Variants in FSIP2 observed in about 807,000 individuals in gnomAD.
FSIP2 encodes fibrous sheath interacting protein 2.
A neutral mutation model predicts 510.5 loss-of-function variants in FSIP2; 367 were observed. The observed-to-expected ratio is 0.72, with a 90% CI of 0.66 to 0.78. The LOEUF is 0.78. Ranked by LOEUF, FSIP2 falls within the 30% of genes least tolerant of loss-of-function variation. FSIP2 has a pLI of 0.00. For synonymous variants in FSIP2, 2,601 were observed against 2,732.2 expected (o/e 0.95, Z 1.50); for missense variants, 7,594 against 7,901.7 (o/e 0.96, Z 1.48).
Position 185,803,192 on chromosome 2 carries a change from G to A in FSIP2, c.13886G>A (p.Gly4629Glu). Residue 4629 changes from glycine to glutamate, a missense_variant, in exon 17 of 23, where the codon GGG (glycine) becomes GAG (glutamate). Gly to Glu is a moderately conservative substitution (Grantham distance 98). Transcript: ENST00000424728. ...SSTFLEDVIS[G>E]VLRKIFHRVV... ...ACATTCTTGGAAGATGTAATCTCTG[G>A]GGTTTTAAGAAAAATATTCCACAGG... The A allele has an allele frequency of 6.5e-7, 1 of 1,532,326 alleles. No homozygotes were observed. The highest frequency in any genetic ancestry group is 8.7e-7 in the Non-Finnish European group (1 of 1,144,752). The allele number at this position is 1,532,326 out of a possible 1,614,324, so 94.9% of individuals were successfully genotyped here. A position where few individuals can be genotyped will look rare whatever the true frequency, so the allele number is the denominator to read the frequency against.
chr2:185,800,884 C>A lies in FSIP2; in HGVS notation c.11578C>A (p.Gln3860Lys). The A allele has an allele frequency of 6.5e-7, 1 of 1,533,974 alleles. No homozygotes were observed. The highest frequency in any genetic ancestry group is 1.4e-5 in the African/African-American group (1 of 72,988). Reference sequence around the variant, plus strand: ...GATGGACAAATTATCTCACAGCATACAACAAGCTCCGGAAAGTCTACCTTT... The same window carrying A: ...GATGGACAAATTATCTCACAGCATAAAACAAGCTCCGGAAAGTCTACCTTT... Reference protein sequence around the residue: ...SLMDKLSHSIQQAPESLPFAN... With the variant: ...SLMDKLSHSIKQAPESLPFAN... The change falls in exon 17 of 23, where the codon CAA becomes AAA. Residue 3860 changes from glutamine to lysine, a missense_variant. By Grantham distance (53) the Gln-to-Lys change is moderately conservative. Coordinates refer to ENST00000424728, the MANE Select transcript of FSIP2 (RefSeq NM_173651.4).
rs2105635517 is a variant in FSIP2, at chr2:185,799,833, T to C, written c.10527T>C (p.His3509=). ...CEHLTESVLY[H]LTSSISDGTK... is the part of the protein sequence containing the mutation. The stretch of plus-strand genomic sequence containing the variant: ...ATCTCACTGAGTCAGTACTTTACCA[T>C]TTAACTTCGAGCATTTCTGATGGCA... Residue 3509 remains histidine, a synonymous_variant, in exon 17 of 23, where the codon CAT becomes CAC. Transcript: ENST00000424728. The C allele has an allele frequency of 1.3e-6, 2 of 1,532,678 alleles. No individual in the cohort carries two copies. The highest frequency in any genetic ancestry group is 1.7e-6 in the Non-Finnish European group (2 of 1,144,592). The allele number at this position is 1,532,678 out of a possible 1,614,324, so 94.9% of individuals were successfully genotyped here.
chr2:185,807,223 T>G lies in FSIP2; in HGVS notation c.17917T>G (p.Ser5973Ala). 1 of 1,605,084 alleles carries G rather than the reference T, an allele frequency of 6.2e-7. No homozygotes were observed. The highest frequency in any genetic ancestry group is 8.5e-7 in the Non-Finnish European group (1 of 1,177,310). ...GATATTTTGTGATGAGGTTTCAGTT[T>G]CAGCATGTTTGCCTCTGGAATCTAA... is the stretch of plus-strand genomic sequence containing the variant. ...NLIFCDEVSV[S>A]ACLPLESKDV... The change falls in exon 17 of 23, where the codon TCA becomes GCA. Residue 5973 changes from serine (S) to alanine (A), a missense_variant. Coordinates refer to ENST00000424728, the MANE Select transcript of FSIP2 (RefSeq NM_173651.4).
rs1403601830 is a variant in FSIP2 at position 185,792,818 on chromosome 2, G to A, written c.5682G>A (p.Leu1894=). 5 of 1,534,428 alleles carry A rather than the reference G, an allele frequency of 3.3e-6. No individual in the cohort carries two copies. The highest frequency in any genetic ancestry group is 3.5e-6 in the Non-Finnish European group (4 of 1,145,758). Residue 1894 remains leucine, a synonymous_variant, in exon 16 of 23, where the codon TTG becomes TTA. Coordinates refer to ENST00000424728, the MANE Select transcript of FSIP2 (RefSeq NM_173651.4). ...AAGGAAAGTCCTCTGTCACGGCTTT[G>A]GATGAAAATCCATGTACTTTTCAGT... ...TYKGKSSVTA[L]DENPCTFQSR... is the part of the protein sequence containing the mutation.
intron 13 of FSIP2, among the ~76,000 whole-genome samples, chr2:185,769,692 C>T (rs1036591714): frequency 2.6e-5 from 4 of 152,130 alleles, no homozygotes; most frequent in Non-Finnish European, 4.4e-5. Context: ...ATGAAACCTT[C>T]GTCAGTTCCT....
At position 185,796,816 on chromosome 2, in the gene FSIP2, C is replaced by T. The variant is rs1483992456; in HGVS notation, c.9680C>T (p.Pro3227Leu). The T allele has an allele frequency of 3.3e-6, 5 of 1,535,030 alleles. No individual in the cohort carries two copies. Among genetic ancestry groups the T allele is most frequent in the Non-Finnish European group, 2.6e-6 (3 of 1,146,300 alleles). The change falls in exon 16 of 23, where the codon CCT becomes CTT. Residue 3227 changes from proline to leucine, a missense_variant. Transcript: ENST00000424728. The part of the protein sequence containing the change: ...TVKNSEPTKR[P>L]DSETMPSCST... ...AAAAACTCAGAGCCAACGAAAAGGC[C>T]TGATTCAGAAACTATGCCATCGTGT... is the stretch of plus-strand genomic sequence containing the variant.
intron 7 of FSIP2, among the ~76,000 whole-genome samples, chr2:185,751,243 G>A (rs1280144972): frequency 6.6e-6 from 1 of 151,290 alleles, no homozygotes; most frequent in Non-Finnish European, 1.5e-5. Flanking sequence ...TTTATTTGAA[G>A]CTCAGTATTA....
At chr2:185,809,941 A>T (rs1693691000) in intron 17 of FSIP2, among the ~76,000 whole-genome samples, 1 of 152,102 alleles carries the variant, frequency 6.6e-6, no homozygotes, top group Non-Finnish European at 1.5e-5. Flanking sequence ...GCCAACAGAT[A>T]GGTTGCACTG....
intron 2 of FSIP2, chr2:185,740,390 C>T (rs1251435139): frequency 6.6e-6 from 1 of 152,162 alleles, no homozygotes; most frequent in Non-Finnish European, 1.5e-5. Context: ...CCCAAACCTC[C>T]CCAGCCTTTG....
chr2:185,739,293 T>G, intron 1 of FSIP2, 53 bp from the exon 2 acceptor site: 1 of 1,476,846 alleles, frequency 6.8e-7, no homozygotes, highest in Non-Finnish European at 8.9e-7. Flanking sequence ...TGGTCTAAAC[T>G]AAACTAATAC....
chr2:185,831,929 T>A lies in FSIP2; in HGVS notation c.20587+47T>A, dbSNP rs777079578. ...CAACTGGTGTAATTAAACTGTCAAT[T>A]GCATCATTTTGAATTTAGAATTTTT... On this transcript the variant is annotated intron_variant, in intron 22 of 22. Transcript: ENST00000424728. The A allele has an allele frequency of 2.6e-6, 3 of 1,132,778 alleles. No individual in the cohort carries two copies. In the African/African-American group the frequency reaches 4.6e-5, roughly 17 times the overall value. 70.2% of individuals were successfully genotyped at this position (1,132,778 alleles called of 1,614,324 possible). A position where few individuals can be genotyped will look rare whatever the true frequency, so the allele number is the denominator to read the frequency against.
At chr2:185,814,570 A>AT (rs1331226051) in intron 18 of FSIP2, among the ~76,000 whole-genome samples, 3 of 152,048 alleles carry the variant, frequency 2.0e-5, no homozygotes, top group Non-Finnish European at 4.4e-5. Flanking sequence ...CACCCTTACA[A>AT]TTAGCCCATA....
chr2:185,805,383 C>A lies in FSIP2; in HGVS notation c.16077C>A (p.Phe5359Leu). 6.3e-7 allele frequency: 1 copy of A among 1,597,574 alleles called. No homozygotes were observed. The change falls in exon 17 of 23, where the codon TTC becomes TTA. Residue 5359 changes from phenylalanine (F) to leucine (L), a missense_variant. By Grantham distance (22) the Phe-to-Leu change is conservative. Transcript: ENST00000424728. ...TATCCAATTTTGTATATGAACAGTT[C>A]ATAGAAAAATGCACATCTCATGATA... ...DKISNFVYEQ[F>L]IEKCTSHDIQ...
At position 185,801,031 on chromosome 2, in the gene FSIP2, A is replaced by G; in HGVS notation, c.11725A>G (p.Ser3909Gly). The stretch of plus-strand genomic sequence containing the variant: ...TTCTTTAGAACTCAGGAGCTATGAT[A>G]GTAATTCTTTGACAGTATCCCTGAA... ...KSSLELRSYD[S>G]NSLTVSLNNP... Residue 3909 changes from serine to glycine, a missense_variant, in exon 17 of 23, where the codon AGT (serine) becomes GGT (glycine). Ser to Gly is a moderately conservative substitution (Grantham distance 56). Coordinates refer to ENST00000424728, the MANE Select transcript of FSIP2 (RefSeq NM_173651.4). The G allele has an allele frequency of 6.5e-7, 1 of 1,531,994 alleles. No homozygotes were observed. The highest frequency in any genetic ancestry group is 1.2e-5 in the South Asian group (1 of 83,770). 94.9% of individuals were successfully genotyped at this position (1,531,994 alleles called of 1,614,324 possible). A position where few individuals can be genotyped will look rare whatever the true frequency, so the allele number is the denominator to read the frequency against.
chr2:185,793,924 C>G lies in FSIP2; in HGVS notation c.6788C>G (p.Ser2263Cys). 1 of 1,525,452 alleles carries G rather than the reference C, an allele frequency of 6.6e-7. No individual in the cohort carries two copies. The highest frequency in any genetic ancestry group is 8.8e-7 in the Non-Finnish European group (1 of 1,142,776). 94.5% of individuals were successfully genotyped at this position (1,525,452 alleles called of 1,614,324 possible). The change falls in exon 16 of 23, where the codon TCT becomes TGT. Residue 2263 changes from serine to cysteine, a missense_variant. Coordinates refer to ENST00000424728, the MANE Select transcript of FSIP2 (RefSeq NM_173651.4). ...AAAACTATTTTTAAACGTTTGGAATCTTTTGCCACAGAAAGAATAGATTCA... is the reference window on the plus strand; with the variant it reads ...AAAACTATTTTTAAACGTTTGGAATGTTTTGCCACAGAAAGAATAGATTCA... ...ITKTIFKRLESFATERIDSLI... is the reference protein window; with the variant it reads ...ITKTIFKRLECFATERIDSLI...
At position 185,805,606 on chromosome 2, in the gene FSIP2, G is replaced by A. The variant is rs1274348817; in HGVS notation, c.16300G>A (p.Ala5434Thr). ...CACCTTTACACAAATAAGCAGATGT[G>A]CAAAAGAGAACCAACTTTCTTTACC... Reference protein sequence around the residue: ...QNTFTQISRCAKENQLSLPDQ... With the variant: ...QNTFTQISRCTKENQLSLPDQ... The change falls in exon 17 of 23, where the codon GCA becomes ACA. Residue 5434 changes from alanine (A) to threonine (T), a missense_variant. Coordinates refer to ENST00000424728, the MANE Select transcript of FSIP2 (RefSeq NM_173651.4). 9 of 1,608,724 alleles carry A rather than the reference G, an allele frequency of 5.6e-6. No homozygotes were observed. The South Asian group carries it at 8.9e-5, about 16-fold the overall frequency.
At position 185,793,896 on chromosome 2, in the gene FSIP2, A is replaced by G; in HGVS notation, c.6760A>G (p.Thr2254Ala). The change falls in exon 16 of 23, where the codon ACT becomes GCT. Residue 2254 changes from threonine to alanine, a missense_variant. Thr to Ala is a moderately conservative substitution (Grantham distance 58, BLOSUM62 0). Transcript: ENST00000424728. ...ATGTGAGGAAAATGCTAACTTCATT[A>G]CTAAAACTATTTTTAAACGTTTGGA... ...DSCEENANFI[T>A]KTIFKRLESF... 1 of 1,527,746 alleles carries G rather than the reference A, an allele frequency of 6.5e-7. No homozygotes were observed. The highest frequency in any genetic ancestry group is 8.7e-7 in the Non-Finnish European group (1 of 1,143,538). 94.6% of individuals were successfully genotyped at this position (1,527,746 alleles called of 1,614,324 possible). A position where few individuals can be genotyped will look rare whatever the true frequency, so the allele number is the denominator to read the frequency against.
chr2:185,807,263 AG>A lies in FSIP2; in HGVS notation c.17959del (p.Val5987SerfsTer20). ...CTGGAATCTAAGGATGTTGTTAAAA[AG>A]GTCCAAAAGTTGGCCCAAACAGCCA... Reference protein sequence around the residue: ...LPLESKDVVKKVQKLAQTASK... With the variant: ...LPLESKDVVKXVQKLAQTASK... On this transcript the variant is annotated frameshift_variant, in exon 17 of 23. Transcript: ENST00000424728. LOFTEE classifies it high-confidence loss of function. 6.2e-7 allele frequency: 1 copy of A among 1,612,610 alleles called. No individual in the cohort carries two copies. Among genetic ancestry groups the A allele is most frequent in the Non-Finnish European group, 8.5e-7 (1 of 1,179,190 alleles).
chr2:185,801,181 A>G lies in FSIP2; in HGVS notation c.11875A>G (p.Asn3959Asp). ...TKEMDKVAIH[N>D]KLHQEGIYAG... ...GGAAATGGATAAGGTAGCCATTCAT[A>G]ATAAGCTACATCAGGAAGGTATATA... is the stretch of plus-strand genomic sequence containing the variant. Residue 3959 changes from asparagine (N) to aspartate (D), a missense_variant, in exon 17 of 23, where the codon AAT (asparagine) becomes GAT (aspartate). Asn to Asp is a conservative substitution (Grantham distance 23, BLOSUM62 1). Transcript: ENST00000424728. 1 of 1,533,934 alleles carries G rather than the reference A, an allele frequency of 6.5e-7. No homozygotes were observed. The highest frequency in any genetic ancestry group is 8.7e-7 in the Non-Finnish European group (1 of 1,145,310).
Sources: allele counts gnomAD v4.1 joint callset (sites outside exome capture counted in the v4.1 genomes callset), GRCh38; gene constraint gnomAD v4.1.1; transcripts MANE v1.5; gene names NCBI Gene and HGNC (gene_info 2026-07-23, HGNC 2026-07-21).